DNMBP: variants seen among roughly 807,000 people sequenced by gnomAD.
DNMBP encodes the protein dynamin-binding protein.
DNMBP carries 87 observed loss-of-function variants against 150.0 expected under a neutral mutation model. The observed-to-expected ratio is 0.58, with a 90% CI of 0.49 to 0.69. The LOEUF is 0.69. DNMBP is among the 30% of genes least tolerant of loss of function. The pLI is 0.00. For missense variants in DNMBP, 1,774 were observed against 1,949.0 expected, an observed-to-expected ratio of 0.91 and a Z score of 1.69; for synonymous variants, 711 against 750.4, an observed-to-expected ratio of 0.95 and a Z score of 0.86.
At chr10:99,970,988 A>T (rs1208853979) in intron 2 of DNMBP, among the ~76,000 whole-genome samples, 1 of 147,952 alleles carries the variant, frequency 6.8e-6, no homozygotes, top group African/African-American at 2.5e-5. Context: ...AAAAAAAAAA[A>T]AAAAAAAAAA....
At chr10:99,897,924 TAATAA>T (rs1230392908) in intron 9 of DNMBP, 157 bp downstream of exon 9, 2 of 644,650 alleles carry the variant, frequency 3.1e-6, no homozygotes, top group Non-Finnish European at 2.7e-6. Flanking sequence ...AAAAAAATAA[TAATAA>T]AATATCATAT....
intron 11 of DNMBP, among the ~76,000 whole-genome samples, chr10:99,889,961 G>A (rs1159693616): frequency 6.6e-6 from 1 of 152,108 alleles, no homozygotes; most frequent in Non-Finnish European, 1.5e-5. Flanking sequence ...AAAGACAACT[G>A]CCCTGCCATG....
In DNMBP at chr10:99,891,577, C is replaced by T. The variant is rs1331970245; in HGVS notation, c.3157-2624G>A. ...GACTCCCAAAGTGCCGAGATTGCAG[C>T]CTCTGCCCGGCCGCCACCCCGTCTG... On this transcript the variant is annotated intron_variant, in intron 11 of 16. Transcript: ENST00000324109. Among the ~76,000 whole-genome samples, 3 of 151,912 alleles carry T rather than the reference C, an allele frequency of 2.0e-5. No homozygotes were observed. In the East Asian group the frequency reaches 5.8e-4, roughly 30 times the overall value.
At chr10:99,980,394 C>T (rs1240295637) in intron 1 of DNMBP, among the ~76,000 whole-genome samples, 1 of 151,488 alleles carries the variant, frequency 6.6e-6, no homozygotes, top group African/African-American at 2.4e-5. Flanking sequence ...TTGCAGTGAG[C>T]CAAGATTGGG....
intron 4 of DNMBP, among the ~76,000 whole-genome samples, chr10:99,919,265 GCC>G (rs2039997164): frequency 1.3e-5 from 2 of 152,136 alleles, no homozygotes. Context: ...TAAAAGCATG[GCC>G]ATTTCCTGCA....
chr10:99,911,219 T>G (rs958388915), intron 4 of DNMBP, among the ~76,000 whole-genome samples: 1 of 142,338 alleles, frequency 7.0e-6, no homozygotes, highest in African/African-American at 2.6e-5. Flanking sequence ...CCAGCCTGAG[T>G]AAAAAAAAAA....
At chr10:99,960,802 A>G (rs1589440280) in intron 3 of DNMBP, among the ~76,000 whole-genome samples, 1 of 152,004 alleles carries the variant, frequency 6.6e-6, no homozygotes, top group East Asian at 1.9e-4. Flanking sequence ...GCAAAACTCC[A>G]TCTCAACAAC....
intron 4 of DNMBP, among the ~76,000 whole-genome samples, chr10:99,915,473 G>A (rs1411675387): frequency 6.6e-6 from 1 of 151,496 alleles, no homozygotes; most frequent in Non-Finnish European, 1.5e-5. Context: ...TTGGGAGATA[G>A]AGGCGGGAGG....
intron 4 of DNMBP, among the ~76,000 whole-genome samples, chr10:99,915,434 C>T (rs921377617): frequency 1.3e-5 from 2 of 151,408 alleles, no homozygotes; most frequent in African/African-American, 4.9e-5. Flanking sequence ...TGGCTGAGCA[C>T]AGTGGCTCAT....
intron 15 of DNMBP, among the ~76,000 whole-genome samples, chr10:99,883,566 C>T (rs1410346198): frequency 1.4e-5 from 2 of 143,266 alleles, no homozygotes; most frequent in African/African-American, 5.2e-5. Flanking sequence ...CAGGAGGATC[C>T]CTTGAACCCA....
At position 99,955,887 on chromosome 10, in the gene DNMBP, G is replaced by A. The variant is rs2040485311; in HGVS notation, c.1587C>T (p.Ala529=). ...TTGCTGCTTCCATAACAAGCCCTTG[G>A]GCTTGCGGACCAGGCTTCATCTCCA... ...ERLEMKPGPQ[A]QGLVMEAATH... Residue 529 remains alanine, a synonymous_variant, in exon 4 of 17, where the codon GCC becomes GCT. Transcript: ENST00000324109. 6.2e-7 allele frequency: 1 copy of A among 1,614,046 alleles called. No individual in the cohort carries two copies. Among genetic ancestry groups the A allele is most frequent in the African/African-American group, 1.3e-5 (1 of 74,914 alleles).
chr10:99,875,659 T>C lies in DNMBP; in HGVS notation c.*1492A>G, dbSNP rs945539083. On this transcript the variant is annotated 3_prime_UTR_variant, in exon 17 of 17. Transcript: ENST00000324109. ...AGAAACACTCTTCACAAAAGGACTC[T>C]TGCATTACTGCCTTCTGACCACGAC... 1 of 152,242 alleles carries C rather than the reference T, an allele frequency of 6.6e-6. No individual in the cohort carries two copies. Among genetic ancestry groups the C allele is most frequent in the Admixed American group, 6.5e-5 (1 of 15,288 alleles). 9.4% of individuals were successfully genotyped at this position (152,242 alleles called of 1,614,324 possible). A position where few individuals can be genotyped will look rare whatever the true frequency, so the allele number is the denominator to read the frequency against.
rs750673302 is a variant in DNMBP at position 99,955,245 on chromosome 10, T to G, written c.2229A>C (p.Glu743Asp). 4 of 1,613,828 alleles carry G rather than the reference T, an allele frequency of 2.5e-6. No individual in the cohort carries two copies. Among genetic ancestry groups the G allele is most frequent in the Admixed American group, 3.3e-5 (2 of 59,980 alleles). Residue 743 changes from glutamate (E) to aspartate (D), a missense_variant, in exon 4 of 17, where the codon GAA (glutamate) becomes GAC (aspartate). This residue lies in a region of DNMBP where 1,430 missense variants were observed against 1,492.5 expected (regional missense o/e 0.96). Transcript: ENST00000324109. ...EDLKFCESNI[E>D]SLNMELQQLR... ...GTTGCTGGAGTTCCATATTCAAACT[T>G]TCAATGTTACTTTCACAGAACTTGA...
At chr10:99,886,721 GTCCTGAAC>G in intron 12 of DNMBP, 89 bp from the exon 13 acceptor site, 1 of 1,250,008 alleles carries the variant, frequency 8.0e-7, no homozygotes, top group Non-Finnish European at 1.1e-6. Flanking sequence ...ACTTTGTTGT[GTCCTGAAC>G]CACCTACTTC....
chr10:99,989,100 A>C (rs977420103), intron 1 of DNMBP, among the ~76,000 whole-genome samples: 3 of 152,242 alleles, frequency 2.0e-5, no homozygotes, highest in African/African-American at 7.2e-5. Context: ...GGAATTATAT[A>C]TCCTTACAAG....
chr10:99,886,640 G>A lies in DNMBP; in HGVS notation c.3286-8C>T, dbSNP rs1178712445. Reference sequence around the variant, plus strand: ...CCGCTCTGTCCTCTCCTTCTGTAGGGACGAGAAAGGCACATTGCTCAGCTG... The same window carrying A: ...CCGCTCTGTCCTCTCCTTCTGTAGGAACGAGAAAGGCACATTGCTCAGCTG... On this transcript the variant is annotated splice_polypyrimidine_tract_variant and splice_region_variant and intron_variant, in intron 12 of 16. Coordinates refer to ENST00000324109, the MANE Select transcript of DNMBP (RefSeq NM_015221.4). 1.2e-6 allele frequency: 2 copies of A among 1,605,914 alleles called. No individual in the cohort carries two copies. Among genetic ancestry groups the A allele is most frequent in the Admixed American group, 1.7e-5 (1 of 59,320 alleles).
At chr10:99,935,830 G>A (rs1441584081) in intron 4 of DNMBP, among the ~76,000 whole-genome samples, 1 of 152,192 alleles carries the variant, frequency 6.6e-6, no homozygotes, top group Non-Finnish European at 1.5e-5. Flanking sequence ...CTCCCGAAGT[G>A]CTGGGATTGC....
At chr10:99,915,975 C>T (rs941930352) in intron 4 of DNMBP, among the ~76,000 whole-genome samples, 5 of 152,100 alleles carry the variant, frequency 3.3e-5, no homozygotes, top group Non-Finnish European at 7.3e-5. Context: ...TGCATTCTAA[C>T]CTGGAATTCC....
intron 1 of DNMBP, among the ~76,000 whole-genome samples, chr10:99,998,179 G>A (rs942068413): frequency 2.7e-5 from 4 of 149,580 alleles, no homozygotes; most frequent in African/African-American, 7.4e-5. Flanking sequence ...AGGTTGCAAT[G>A]AGCAGTGATC....
Sources: gnomAD v4.1 joint callset for allele counts (sites outside exome capture counted in the v4.1 genomes callset) on GRCh38, gnomAD v4.1.1 for gene constraint, gnomAD v4.1.1 regional missense constraint, MANE v1.5 for transcripts, NCBI Gene and HGNC (gene_info 2026-07-23, HGNC 2026-07-21) for gene names.